The following PRKN variants were observed in gnomAD, a reference collection of about 807,000 sequenced individuals.
PRKN encodes the protein E3 ubiquitin-protein ligase parkin.
In PRKN, 56 loss-of-function variants were observed where a neutral mutation model predicts 59.5. The ratio of observed to expected loss-of-function variants is 0.94; its 90% CI spans 0.76 to 1.18. The LOEUF (loss-of-function observed/expected upper bound fraction) is 1.18, where lower values mean the gene tolerates loss of function less well. PRKN is among the 50% of genes most tolerant of loss of function. The pLI, the probability that PRKN is intolerant of heterozygous loss-of-function variation, is 0.00. For synonymous variants in PRKN, 250 were observed against 222.1 expected (o/e 1.13, Z -1.12); for missense variants, 657 against 596.4 (o/e 1.10, Z -1.06).
rs1278708413 is a variant in PRKN, at chr6:161,417,655, C to A, written c.1084-30778G>T. On this transcript the variant is annotated intron_variant, in intron 9 of 11. Transcript: ENST00000366898. This position sits in a 1 kb window ranked among gnomAD's most constrained non-coding sequence, Gnocchi z 5.4. ...GTAATTGTCACAGCAGTACTCAATACACACATTTTCACAGGCAAGGAAACT... is the reference window on the plus strand; with the variant it reads ...GTAATTGTCACAGCAGTACTCAATAAACACATTTTCACAGGCAAGGAAACT... Among the ~76,000 whole-genome samples, 2 of 152,128 alleles carry A rather than the reference C, an allele frequency of 1.3e-5. No individual in the cohort carries two copies. Among genetic ancestry groups the A allele is most frequent in the Admixed American group, 1.3e-4 (2 of 15,276 alleles).
chr6:161,458,771 T>C lies in PRKN; in HGVS notation c.1084-71894A>G, dbSNP rs1163089463. Among the ~76,000 whole-genome samples the C allele has an allele frequency of 1.3e-5, 2 of 152,234 alleles. No homozygotes were observed. The highest frequency in any genetic ancestry group is 4.8e-5 in the African/African-American group (2 of 41,456). ...ATTCTGTAGTCTGCATGTGTTAGGC[T>C]GTGGGTAGGCAAGCTTGTCAATGGA... On this transcript the variant is annotated intron_variant, in intron 9 of 11. Transcript: ENST00000366898. The surrounding 1 kb of genome is among the most constrained non-coding windows in gnomAD (Gnocchi z 6.1).
chr6:161,945,298 C>T (rs1219466660), intron 6 of PRKN, among the ~76,000 whole-genome samples: 5 of 152,144 alleles, frequency 3.3e-5, no homozygotes, highest in East Asian at 3.9e-4. Flanking sequence ...CCAGGTAATA[C>T]GGCCCGCTCA....
chr6:162,425,690 C>G (rs1789206318), intron 2 of PRKN, among the ~76,000 whole-genome samples: 1 of 151,984 alleles, frequency 6.6e-6, no homozygotes, highest in African/African-American at 2.4e-5. Context: ...ACCTGGAATG[C>G]AGCACAAAGA....
intron 1 of PRKN, among the ~76,000 whole-genome samples, chr6:162,467,112 G>A (rs1257451015): frequency 1.3e-5 from 2 of 151,994 alleles, no homozygotes; most frequent in South Asian, 2.1e-4. Flanking sequence ...CTTATGGAAG[G>A]CCTCTCAACA....
intron 1 of PRKN, among the ~76,000 whole-genome samples, chr6:162,523,804 G>C (rs1002408641): frequency 2.0e-5 from 3 of 151,974 alleles, no homozygotes; most frequent in Non-Finnish European, 2.9e-5. Context: ...ATTGCTTCAG[G>C]CTAGGAGTTC....
chr6:161,855,554 T>C (rs1201886120), intron 6 of PRKN, among the ~76,000 whole-genome samples: 1 of 152,150 alleles, frequency 6.6e-6, no homozygotes, highest in East Asian at 1.9e-4. Context: ...TAAATCCTCA[T>C]CTGTTGATTG....
At chr6:162,510,436 C>T (rs1157905315) in intron 1 of PRKN, among the ~76,000 whole-genome samples, 2 of 152,140 alleles carry the variant, frequency 1.3e-5, no homozygotes, top group Non-Finnish European at 2.9e-5. Flanking sequence ...ACGATCAAAT[C>T]TCTGTATTTT....
intron 1 of PRKN, among the ~76,000 whole-genome samples, chr6:162,565,146 A>C (rs1375452021): frequency 6.6e-6 from 1 of 152,198 alleles, no homozygotes; most frequent in Non-Finnish European, 1.5e-5. Context: ...AGTTTTTATT[A>C]GTTTTCTTTT....
intron 2 of PRKN, among the ~76,000 whole-genome samples, chr6:162,427,154 G>C (rs1269091739): frequency 6.6e-6 from 1 of 152,174 alleles, no homozygotes; most frequent in East Asian, 1.9e-4. Flanking sequence ...TGACAGAAAA[G>C]TTTACACCAG....
At position 161,456,848 on chromosome 6, in the gene PRKN, A is replaced by G. The variant is rs1409563213; in HGVS notation, c.1084-69971T>C. Among the ~76,000 whole-genome samples, 1 of 151,920 alleles carries G rather than the reference A, an allele frequency of 6.6e-6. No homozygotes were observed. The highest frequency in any genetic ancestry group is 2.4e-5 in the African/African-American group (1 of 41,236). Reference sequence around the variant, plus strand: ...GCTCAGGGCTTCCTCAGGAGAAGAGATGGTCTCATTGCTCAGGGAACCTTT... The same window carrying G: ...GCTCAGGGCTTCCTCAGGAGAAGAGGTGGTCTCATTGCTCAGGGAACCTTT... On this transcript the variant is annotated intron_variant, in intron 9 of 11. Coordinates refer to ENST00000366898, the MANE Select transcript of PRKN (RefSeq NM_004562.3). The surrounding 1 kb of genome is among the most constrained non-coding windows in gnomAD (Gnocchi z 4.8).
At chr6:161,671,512 T>G (rs1205650396) in intron 7 of PRKN, among the ~76,000 whole-genome samples, 1 of 152,178 alleles carries the variant, frequency 6.6e-6, no homozygotes. Context: ...TTAAGTGTGA[T>G]GCTGGATGGA....
chr6:162,157,986 A>G (rs1326884612), intron 4 of PRKN, among the ~76,000 whole-genome samples: 1 of 151,806 alleles, frequency 6.6e-6, no homozygotes, highest in African/African-American at 2.4e-5. Flanking sequence ...AAAGCCTTCT[A>G]TGTTTCTTTG....
chr6:162,089,733 G>T (rs1779397609), intron 4 of PRKN, among the ~76,000 whole-genome samples: 1 of 152,172 alleles, frequency 6.6e-6, no homozygotes, highest in Non-Finnish European at 1.5e-5. Context: ...ACCACAAGTC[G>T]CAAATATGGA....
At chr6:162,568,745 C>T in intron 1 of PRKN, 1 of 753,022 alleles carries the variant, frequency 1.3e-6, no homozygotes, top group East Asian at 2.5e-5. Flanking sequence ...GCTACATCAA[C>T]AACCCTAGGG....
At position 162,423,620 on chromosome 6, in the gene PRKN, A is replaced by T. The variant is rs1789084521; in HGVS notation, c.171+19690T>A. ...ATGTCAGTATCTGTGGTATCTTTGC[A>T]GTTACAACCCACTGGTTTCCTCTAT... On this transcript the variant is annotated intron_variant, in intron 2 of 11. Transcript: ENST00000366898. Among the ~76,000 whole-genome samples, 3 of 152,126 alleles carry T rather than the reference A, an allele frequency of 2.0e-5. No homozygotes were observed. In the South Asian group the frequency reaches 6.2e-4, roughly 32 times the overall value.
intron 1 of PRKN, among the ~76,000 whole-genome samples, chr6:162,487,898 C>T (rs1029415986): frequency 1.3e-4 from 19 of 151,964 alleles, no homozygotes; most frequent in South Asian, 4.2e-4. Flanking sequence ...CAACAAAGTG[C>T]GACCCCCATC....
At chr6:161,787,586 G>A (rs1231083480) in intron 6 of PRKN, among the ~76,000 whole-genome samples, 1 of 152,164 alleles carries the variant, frequency 6.6e-6, no homozygotes, top group East Asian at 1.9e-4. Context: ...CTCCCAATCT[G>A]CTACTAATTC....
Position 162,725,755 on chromosome 6 carries a change from C to A in PRKN, c.7+1907G>T, listed in dbSNP as rs560427174. On this transcript the variant is annotated intron_variant, in intron 1 of 11. Coordinates refer to ENST00000366898, the MANE Select transcript of PRKN (RefSeq NM_004562.3). ...TCCGGCCTGGGTGACAGAGACAGAACCTGTCTCAAAAAGAGGAAAAAAAAA... is the reference window on the plus strand; with the variant it reads ...TCCGGCCTGGGTGACAGAGACAGAAACTGTCTCAAAAAGAGGAAAAAAAAA... Among the ~76,000 whole-genome samples, 3 of 140,436 alleles carry A rather than the reference C, an allele frequency of 2.1e-5. No individual in the cohort carries two copies. In the South Asian group the frequency reaches 7.4e-4, roughly 35 times the overall value. The allele number at this position is 140,436 out of a possible 152,430, so 92.1% of individuals were successfully genotyped here.
chr6:161,679,099 G>A (rs1785201987), intron 7 of PRKN, among the ~76,000 whole-genome samples: 3 of 152,146 alleles, frequency 2.0e-5, no homozygotes. Flanking sequence ...AGTGTCTGAT[G>A]CCACAGCGGC....
Sources: gnomAD v4.1 joint callset for allele counts (sites outside exome capture counted in the v4.1 genomes callset) on GRCh38, gnomAD v4.1.1 for gene constraint, Gnocchi (gnomAD v3.1) non-coding constraint, MANE v1.5 for transcripts, NCBI Gene and HGNC (gene_info 2026-07-23, HGNC 2026-07-21) for gene names.